MIS18A: variants seen among roughly 807,000 people sequenced by gnomAD.
MIS18A encodes the protein MIS18 kinetochore protein A.
A neutral mutation model predicts 25.0 loss-of-function variants in MIS18A; 14 were observed. The observed-to-expected ratio is 0.56, with a 90% CI of 0.37 to 0.88. The LOEUF is 0.88. Ranked by LOEUF, MIS18A falls within the 40% of genes least tolerant of loss-of-function variation. The pLI is 0.00. For missense variants in MIS18A, 292 were observed against 290.8 expected (o/e 1.00, Z -0.03); for synonymous variants, 134 against 118.6 (o/e 1.13, Z -0.84).
Position 32,270,296 on chromosome 21 carries a change from C to G in MIS18A, c.524+111G>C. The G allele has an allele frequency of 7.3e-6, 9 of 1,227,506 alleles. No homozygotes were observed. The South Asian group carries it at 1.3e-4, about 18-fold the overall frequency. The allele number at this position is 1,227,506 out of a possible 1,614,324, so 76.0% of individuals were successfully genotyped here. On this transcript the variant is annotated intron_variant, in intron 3 of 4. Coordinates refer to ENST00000290130, the MANE Select transcript of MIS18A (RefSeq NM_018944.3). Reference sequence around the variant, plus strand: ...AAAAAATTACTGGCTTGTTAGAAATCATTACTTGAAAATATATTTAACCAA... The same window carrying G: ...AAAAAATTACTGGCTTGTTAGAAATGATTACTTGAAAATATATTTAACCAA...
chr21:32,156,342 A>G, the MIS18A span: 1 of 152,204 alleles, frequency 6.6e-6, no homozygotes, highest in Non-Finnish European at 1.5e-5. Context: ...TTTAGTTAAT[A>G]TTCCATAGCA....
chr21:32,246,724 T>C, the MIS18A span, among the ~76,000 whole-genome samples: 1 of 152,166 alleles, frequency 6.6e-6, no homozygotes, highest in Non-Finnish European at 1.5e-5. Context: ...TTCCAGCGCC[T>C]TCTCTTTCAG....
the MIS18A span, among the ~76,000 whole-genome samples, chr21:32,228,205 C>G: frequency 1.3e-5 from 2 of 152,208 alleles, no homozygotes; most frequent in Admixed American, 6.5e-5. Flanking sequence ...TCTCCTGGCT[C>G]TGTCTCCTGA....
the MIS18A span, among the ~76,000 whole-genome samples, chr21:32,228,348 A>G: frequency 1.3e-5 from 2 of 152,174 alleles, no homozygotes; most frequent in African/African-American, 4.8e-5. Flanking sequence ...CGGCCTCCCA[A>G]AGTGCTGGGA....
At chr21:32,228,019 G>A in the MIS18A span, among the ~76,000 whole-genome samples, 56 of 152,282 alleles carry the variant, frequency 3.7e-4, no homozygotes, top group African/African-American at 1.3e-3. Context: ...CAATAAACTA[G>A]TAATAGAAGG....
At chr21:32,220,800 C>G in the MIS18A span, among the ~76,000 whole-genome samples, 1 of 151,766 alleles carries the variant, frequency 6.6e-6, no homozygotes, top group Non-Finnish European at 1.5e-5. Flanking sequence ...CATGATGGAG[C>G]TGAAAAACAC....
chr21:32,247,282 C>A, the MIS18A span, among the ~76,000 whole-genome samples: 1 of 152,200 alleles, frequency 6.6e-6, no homozygotes, highest in African/African-American at 2.4e-5. Flanking sequence ...CTCAAGTCTA[C>A]ACTCATCCCG....
At chr21:32,235,585 T>C in the MIS18A span, among the ~76,000 whole-genome samples, 3 of 152,134 alleles carry the variant, frequency 2.0e-5, no homozygotes, top group Non-Finnish European at 4.4e-5. Flanking sequence ...ACATCTCTAC[T>C]AGGAAAAATA....
At chr21:32,265,526 G>A (rs554621125), downstream of MIS18A, among the ~76,000 whole-genome samples, 5 of 152,368 alleles carry the variant, frequency 3.3e-5, no homozygotes, top group Admixed American at 1.3e-4. Context: ...CGGCCCACCG[G>A]CGCTGTGCTG....
chr21:32,202,763 A>G, the MIS18A span, among the ~76,000 whole-genome samples: 3 of 152,364 alleles, frequency 2.0e-5, no homozygotes, highest in South Asian at 4.1e-4. Context: ...ATCACTTAGT[A>G]CAATGTCTTC....
chr21:32,278,546 A>C, intron 1 of MIS18A, 135 bp downstream of exon 1: 1 of 947,956 alleles, frequency 1.1e-6, no homozygotes, highest in South Asian at 1.8e-5. Context: ...GCCACAGCTC[A>C]CACTCTCAGA....
chr21:32,263,355 G>A (rs1452526958), downstream of MIS18A, among the ~76,000 whole-genome samples: 1 of 152,168 alleles, frequency 6.6e-6, no homozygotes, highest in Non-Finnish European at 1.5e-5. Context: ...CAGCACTTTG[G>A]CAGGCTGAGG....
At chr21:32,222,819 T>C in the MIS18A span, among the ~76,000 whole-genome samples, 1 of 151,760 alleles carries the variant, frequency 6.6e-6, no homozygotes, top group Admixed American at 6.6e-5. Context: ...TAGTCCCATC[T>C]ACTTGGGAGG....
At chr21:32,252,445 G>A in the MIS18A span, among the ~76,000 whole-genome samples, 1 of 151,842 alleles carries the variant, frequency 6.6e-6, no homozygotes, top group South Asian at 2.1e-4. Context: ...GAAGGGGAGA[G>A]GAGGAGGAAA....
At chr21:32,257,456 G>A in the MIS18A span, among the ~76,000 whole-genome samples, 3 of 152,154 alleles carry the variant, frequency 2.0e-5, no homozygotes, top group African/African-American at 7.2e-5. Context: ...AAATGTGGGC[G>A]GCTCTTCTAT....
At chr21:32,240,716 C>A in the MIS18A span, among the ~76,000 whole-genome samples, 1 of 152,160 alleles carries the variant, frequency 6.6e-6, no homozygotes, top group Non-Finnish European at 1.5e-5. Context: ...GGTCTTTGTA[C>A]ACAAACATCT....
chr21:32,252,178 C>T, the MIS18A span, among the ~76,000 whole-genome samples: 1 of 139,926 alleles, frequency 7.1e-6, no homozygotes, highest in South Asian at 2.3e-4. Flanking sequence ...AAAGTGAGAT[C>T]CTGTCTCAAA....
the MIS18A span, among the ~76,000 whole-genome samples, chr21:32,158,664 G>A: frequency 7.2e-5 from 11 of 152,050 alleles, no homozygotes; most frequent in Non-Finnish European, 1.0e-4. Context: ...GAGTAGAGAC[G>A]GGGTTTCTCC....
chr21:32,165,604 T>TA, the MIS18A span, among the ~76,000 whole-genome samples: 25 of 133,578 alleles, frequency 1.9e-4, no homozygotes, highest in South Asian at 4.7e-4. Flanking sequence ...AAAACTGGTT[T>TA]AAAAAAAAAA....
Sources: gnomAD v4.1 joint callset for allele counts (sites outside exome capture counted in the v4.1 genomes callset) on GRCh38, gnomAD v4.1.1 for gene constraint, MANE v1.5 for transcripts, NCBI Gene and HGNC (gene_info 2026-07-23, HGNC 2026-07-21) for gene names.